The following SLC26A2 variants were observed in gnomAD, a reference collection of about 807,000 sequenced individuals.
SLC26A2 encodes the protein sulfate transporter.
SLC26A2 carries 36 observed loss-of-function variants against 41.1 expected under a neutral mutation model. The observed-to-expected ratio is 0.88, with a 90% confidence interval of 0.67 to 1.16. The LOEUF is 1.16. Among genes scored for constraint, SLC26A2 ranks in the 50% most tolerant of loss-of-function variants. SLC26A2 has a pLI of 0.00. For missense variants in SLC26A2, 796 were observed against 869.6 expected (o/e 0.92, Z 1.07); for synonymous variants, 291 against 311.6 (o/e 0.93, Z 0.70).
chr5:149,983,775 A>C lies in SLC26A2; in HGVS notation c.*1962A>C, dbSNP rs556396469. The C allele has an allele frequency of 6.6e-6, 1 of 152,362 alleles. No homozygotes were observed. The highest frequency in any genetic ancestry group is 1.5e-5 in the Non-Finnish European group (1 of 68,226). 9.4% of individuals were successfully genotyped at this position (152,362 alleles called of 1,614,324 possible). ...AATTTTTTTCTAGAGAGAGGGTCTC[A>C]CTGTGTTGCCCAGGCTGGTCTCAAA... On this transcript the variant is annotated 3_prime_UTR_variant, in exon 3 of 3. Coordinates refer to ENST00000286298, the MANE Select transcript of SLC26A2 (RefSeq NM_000112.4).
intron 1 of SLC26A2, among the ~76,000 whole-genome samples, chr5:149,975,611 T>A (rs1281812113): frequency 6.6e-6 from 1 of 152,256 alleles, no homozygotes; most frequent in Non-Finnish European, 1.5e-5. Flanking sequence ...TCAACCTGAT[T>A]GATTTTCTCA....
intron 1 of SLC26A2, among the ~76,000 whole-genome samples, chr5:149,974,730 T>TG (rs1186503155): frequency 6.7e-6 from 1 of 148,470 alleles, no homozygotes; most frequent in Non-Finnish European, 1.5e-5. Context: ...GCCTTTTTTT[T>TG]TTTTTTTTTT....
Position 149,980,726 on chromosome 5 carries a change from T to G in SLC26A2, c.1133T>G (p.Leu378Arg), listed in dbSNP as rs774412132. The G allele has an allele frequency of 6.2e-7, 1 of 1,613,970 alleles. No homozygotes were observed. The change falls in exon 3 of 3, where the codon CTA becomes CGA. Residue 378 changes from leucine to arginine, a missense_variant. Transcript: ENST00000286298. Reference protein sequence around the residue: ...FMPPKVPEWNLIPSVAVDAIA... With the variant: ...FMPPKVPEWNRIPSVAVDAIA... ...CCACCCAAAGTACCAGAATGGAACC[T>G]AATTCCTAGTGTGGCTGTAGATGCA...
chr5:149,977,095 A>G (rs1208068858), intron 1 of SLC26A2, among the ~76,000 whole-genome samples: 2 of 152,132 alleles, frequency 1.3e-5, no homozygotes, highest in Non-Finnish European at 2.9e-5. Context: ...TTACCCTACA[A>G]CCTACTTTTC....
At chr5:149,967,587 A>C (rs1301213569) in intron 1 of SLC26A2, among the ~76,000 whole-genome samples, 2 of 152,202 alleles carry the variant, frequency 1.3e-5, no homozygotes, top group Non-Finnish European at 2.9e-5. Context: ...TGTAGTGTAC[A>C]ATGCAGTGGC....
rs1755019690 is a variant in SLC26A2 at position 149,977,840 on chromosome 5, A to G, written c.188A>G (p.Asp63Gly). Reference protein sequence around the residue: ...RILIERQEKSDTNFKEFVIKK... With the variant: ...RILIERQEKSGTNFKEFVIKK... ...CTTATTGAGCGTCAAGAGAAATCAG[A>G]TACAAACTTCAAGGAGTTTGTTATT... is the stretch of plus-strand genomic sequence containing the variant. Residue 63 changes from aspartate to glycine, a missense_variant, in exon 2 of 3, where the codon GAT becomes GGT. Coordinates refer to ENST00000286298, the MANE Select transcript of SLC26A2 (RefSeq NM_000112.4). 1 of 1,614,130 alleles carries G rather than the reference A, an allele frequency of 6.2e-7. No individual in the cohort carries two copies. The highest frequency in any genetic ancestry group is 8.5e-7 in the Non-Finnish European group (1 of 1,179,938).
At position 149,977,761 on chromosome 5, in the gene SLC26A2, A is replaced by G. The variant is rs1165698640; in HGVS notation, c.109A>G (p.Thr37Ala). Residue 37 changes from threonine to alanine, a missense_variant, in exon 2 of 3, where the codon ACT (threonine) becomes GCT (alanine). Thr to Ala is a moderately conservative substitution (Grantham distance 58, BLOSUM62 0). Coordinates refer to ENST00000286298, the MANE Select transcript of SLC26A2 (RefSeq NM_000112.4). ...TCTGGAACTTCAAAGGGAATCAAGT[A>G]CTGACTTCAAGCAATTTGAGACCAA... ...IHLELQRESS[T>A]DFKQFETNDQ... 2 of 1,613,824 alleles carry G rather than the reference A, an allele frequency of 1.2e-6. No homozygotes were observed. Among genetic ancestry groups the G allele is most frequent in the Non-Finnish European group, 1.7e-6 (2 of 1,179,676 alleles).
At chr5:149,980,195 C>T in intron 2 of SLC26A2, 98 bp from the exon 3 acceptor site, 1 of 906,918 alleles carries the variant, frequency 1.1e-6, no homozygotes, top group Non-Finnish European at 1.9e-6. Context: ...TTCTGTGATG[C>T]TCTGATGATA....
At chr5:149,975,200 TTATC>T (rs1418304597) in intron 1 of SLC26A2, among the ~76,000 whole-genome samples, 1 of 152,200 alleles carries the variant, frequency 6.6e-6, no homozygotes, top group African/African-American at 2.4e-5. Flanking sequence ...TAATTTCTGT[TTATC>T]TGTCTTTTTG....
chr5:149,973,113 G>A (rs1754933413), intron 1 of SLC26A2, among the ~76,000 whole-genome samples: 2 of 151,886 alleles, frequency 1.3e-5, no homozygotes, highest in Non-Finnish European at 2.9e-5. Context: ...GAGCCCAGGA[G>A]TTTGAGACCA....
At chr5:149,966,845 A>G (rs1459905895) in intron 1 of SLC26A2, among the ~76,000 whole-genome samples, 2 of 152,242 alleles carry the variant, frequency 1.3e-5, no homozygotes, top group Non-Finnish European at 2.9e-5. Flanking sequence ...TGTTTTTAGA[A>G]AAATATTACA....
chr5:149,969,876 C>T (rs80170208), intron 1 of SLC26A2, among the ~76,000 whole-genome samples: 6,718 of 152,226 alleles, frequency 0.044, 447 homozygotes, highest in African/African-American at 0.15. Flanking sequence ...GTGTATTCTC[C>T]ACTCTCAGAA....
rs1341988114 is a variant in SLC26A2, at chr5:149,969,459, A to G, written c.-25-8169A>G. 3.3e-5 allele frequency among the ~76,000 whole-genome samples: 5 copies of G among 152,196 alleles called. No homozygotes were observed. The East Asian group carries it at 7.7e-4, about 23-fold the overall frequency. On this transcript the variant is annotated intron_variant, in intron 1 of 2. Transcript: ENST00000286298. ...TAAAAATCTCAAATCTAAAAAACCC[A>G]AAGTCAGATTTTTTGCTGCTTCCTA...
At chr5:149,973,187 A>T (rs1296391994) in intron 1 of SLC26A2, among the ~76,000 whole-genome samples, 1 of 152,144 alleles carries the variant, frequency 6.6e-6, no homozygotes, top group Non-Finnish European at 1.5e-5. Flanking sequence ...AGAAAATTTT[A>T]AAAAGACTTT....
In SLC26A2 at chr5:149,975,720, G is replaced by T. The variant is rs1452093895; in HGVS notation, c.-25-1908G>T. Among the ~76,000 whole-genome samples the T allele has an allele frequency of 7.2e-5, 11 of 152,234 alleles. No homozygotes were observed. In the East Asian group the frequency reaches 2.1e-3, roughly 29 times the overall value. ...TTAAACCTAAACAAAATGAATATGG[G>T]TTACTTTTACATATCTTGTGTTCTT... On this transcript the variant is annotated intron_variant, in intron 1 of 2. Coordinates refer to ENST00000286298, the MANE Select transcript of SLC26A2 (RefSeq NM_000112.4).
chr5:149,978,394 C>G (rs776285293), intron 2 of SLC26A2, 43 bp downstream of exon 2: 2 of 1,380,788 alleles, frequency 1.4e-6, no homozygotes, highest in East Asian at 4.6e-5. Context: ...GAAAAGTAAT[C>G]TAGTACATGA....
chr5:149,981,841 G>A lies in SLC26A2; in HGVS notation c.*28G>A. On this transcript the variant is annotated 3_prime_UTR_variant, in exon 3 of 3. Coordinates refer to ENST00000286298, the MANE Select transcript of SLC26A2 (RefSeq NM_000112.4). ...GAGAAGGTAGATAGAAGAATGTCTA[G>A]CCAATAGGTTAAAATTTCAAGTGTC... 6.5e-7 allele frequency: 1 copy of A among 1,548,752 alleles called. No homozygotes were observed. The highest frequency in any genetic ancestry group is 8.9e-7 in the Non-Finnish European group (1 of 1,124,780).
At chr5:149,969,933 C>CT (rs1754874459) in intron 1 of SLC26A2, among the ~76,000 whole-genome samples, 1 of 152,192 alleles carries the variant, frequency 6.6e-6, no homozygotes, top group South Asian at 2.1e-4. Flanking sequence ...GTTTAAAACT[C>CT]TGTCTTAATC....
chr5:149,977,520 CAA>C, intron 1 of SLC26A2, 106 bp from the exon 2 acceptor site: 1 of 724,424 alleles, frequency 1.4e-6, no homozygotes, highest in Non-Finnish European at 2.5e-6. Context: ...ATACCTATTC[CAA>C]AACTGAATTC....
Sources: allele counts gnomAD v4.1 joint callset (sites outside exome capture counted in the v4.1 genomes callset), GRCh38; gene constraint gnomAD v4.1.1; transcripts MANE v1.5; gene names NCBI Gene and HGNC (gene_info 2026-07-23, HGNC 2026-07-21).